PRRC2B: variants seen among roughly 807,000 people sequenced by gnomAD.
PRRC2B encodes the protein proline rich coiled-coil 2B.
In PRRC2B, 68 loss-of-function variants were observed where a neutral mutation model predicts 242.3. The ratio of observed to expected loss-of-function variants is 0.28; its 90% CI spans 0.23 to 0.34. PRRC2B has a LOEUF of 0.34. Ranked by LOEUF, PRRC2B falls within the 10% of genes least tolerant of loss-of-function variation. The pLI is 1.00. For missense variants in PRRC2B, 2,835 were observed against 2,954.8 expected (o/e 0.96, Z 0.94); for synonymous variants, 1,228 against 1,173.6 (o/e 1.05, Z -0.95).
chr9:131,375,755 G>A (rs149782724), intron 1 of PRRC2B, among the ~76,000 whole-genome samples: 411 of 152,202 alleles, frequency 2.7e-3, no homozygotes, highest in African/African-American at 8.9e-3. Flanking sequence ...TCGGCTGGGC[G>A]CGGTGGCTCA....
chr9:131,449,287 T>G (rs1221163565), intron 9 of PRRC2B, among the ~76,000 whole-genome samples: 2 of 152,190 alleles, frequency 1.3e-5, no homozygotes, highest in Non-Finnish European at 2.9e-5. Context: ...TTTCCCCTGG[T>G]GGTTGTGCCA....
At chr9:131,448,625 C>G (rs1014301240) in intron 9 of PRRC2B, among the ~76,000 whole-genome samples, 3 of 143,892 alleles carry the variant, frequency 2.1e-5, no homozygotes, top group African/African-American at 7.7e-5. Flanking sequence ...TGGCTGTTTG[C>G]AGGGTCCATC....
intron 1 of PRRC2B, among the ~76,000 whole-genome samples, chr9:131,403,037 C>T (rs1216551784): frequency 6.6e-6 from 1 of 152,212 alleles, no homozygotes; most frequent in Non-Finnish European, 1.5e-5. Context: ...AGGAGGTCAT[C>T]TCCAGGACTC....
At position 131,379,656 on chromosome 9, in the gene PRRC2B, C is replaced by T. The variant is rs146588184; in HGVS notation, c.-56+5925C>T. 2.8e-3 allele frequency among the ~76,000 whole-genome samples: 395 copies of T among 139,312 alleles called. 2 individuals are homozygous for T. The highest frequency in any genetic ancestry group is 0.01 in the African/African-American group (387 of 37,856). The allele number at this position is 139,312 out of a possible 152,430, so 91.4% of individuals were successfully genotyped here. ...TTTTTTTTTTTTGGAGATGGAGTCT[C>T]ACTCTGTCACCCAGGCTGGAGTGCA... On this transcript the variant is annotated intron_variant, in intron 1 of 1. Coordinates refer to the PRRC2B transcript ENST00000682525.
At chr9:131,379,810 GAGAC>G (rs1422426573) in intron 1 of PRRC2B, among the ~76,000 whole-genome samples, 1 of 151,194 alleles carries the variant, frequency 6.6e-6, no homozygotes, top group Admixed American at 6.6e-5. Context: ...ATTTTTAGTA[GAGAC>G]GGGGTTTCAC....
intron 1 of PRRC2B, among the ~76,000 whole-genome samples, chr9:131,429,860 G>A (rs1838076399): frequency 1.3e-5 from 2 of 151,998 alleles, no homozygotes; most frequent in South Asian, 4.2e-4. Context: ...GGGTTGGGGG[G>A]GTACTCCACA....
intron 9 of PRRC2B, among the ~76,000 whole-genome samples, chr9:131,451,888 C>T (rs1371744451): frequency 6.6e-6 from 1 of 151,900 alleles, no homozygotes; most frequent in African/African-American, 2.4e-5. Flanking sequence ...CTAAACCAAC[C>T]TTGCATTCTT....
chr9:131,459,758 T>A (rs1418756011), intron 11 of PRRC2B, among the ~76,000 whole-genome samples: 2 of 152,136 alleles, frequency 1.3e-5, no homozygotes, highest in African/African-American at 4.8e-5. Flanking sequence ...AGGCTAGTCT[T>A]GAGCTCGTGG....
intron 9 of PRRC2B, among the ~76,000 whole-genome samples, chr9:131,451,999 T>A (rs1341012451): frequency 6.6e-6 from 1 of 152,230 alleles, no homozygotes; most frequent in African/African-American, 2.4e-5. Flanking sequence ...GTTCTTTTAA[T>A]GTCTTTGTCA....
chr9:131,463,332 A>G (rs1365034100), intron 11 of PRRC2B, among the ~76,000 whole-genome samples: 1 of 152,244 alleles, frequency 6.6e-6, no homozygotes, highest in Non-Finnish European at 1.5e-5. Flanking sequence ...TTACTGAAGT[A>G]TAACTCACCT....
intron 11 of PRRC2B, among the ~76,000 whole-genome samples, chr9:131,462,720 C>T (rs954603888): frequency 2.7e-5 from 4 of 150,668 alleles, no homozygotes; most frequent in Admixed American, 1.3e-4. Context: ...CGCCGGTATT[C>T]CCAGCTACTC....
chr9:131,420,466 TTTCTTTCTTTCTTTCTTTCTTTCTTTC>T (rs1564278506), intron 1 of PRRC2B, among the ~76,000 whole-genome samples: 1 of 9,072 alleles, frequency 1.1e-4, no homozygotes, highest in African/African-American at 2.1e-4. Flanking sequence ...TCTTTCTTTC[TTTCTTTCTTTCTTTCTTTCTTTCTTTC>T]TTTTTTTTTT....
At chr9:131,455,737 A>G (rs181119521) in intron 10 of PRRC2B, among the ~76,000 whole-genome samples, 2 of 151,998 alleles carry the variant, frequency 1.3e-5, no homozygotes, top group South Asian at 2.1e-4. Flanking sequence ...TTTGGTCTCA[A>G]ACTCCTGGGC....
chr9:131,468,847 A>T (rs898386339), intron 13 of PRRC2B, among the ~76,000 whole-genome samples: 5 of 152,148 alleles, frequency 3.3e-5, no homozygotes, highest in Non-Finnish European at 7.4e-5. Context: ...GGCACCTGGG[A>T]GCCTTCCAGG....
At chr9:131,431,924 T>C (rs866494424) in intron 2 of PRRC2B, among the ~76,000 whole-genome samples, 14 of 152,056 alleles carry the variant, frequency 9.2e-5, no homozygotes, top group Middle Eastern at 6.8e-3. Flanking sequence ...TTAAAATTTA[T>C]TTATTTATTT....
intron 1 of PRRC2B, among the ~76,000 whole-genome samples, chr9:131,378,325 A>AAAC (rs1016605842): frequency 1.3e-5 from 2 of 151,784 alleles, no homozygotes; most frequent in African/African-American, 4.8e-5. Flanking sequence ...AAAAAAAAAA[A>AAAC]AAAAAGTCCT....
At position 131,475,647 on chromosome 9, in the gene PRRC2B, A is replaced by G; in HGVS notation, c.3518A>G (p.Asp1173Gly). The part of the protein sequence containing the change: ...EREESTLKKG[D>G]CRDSWRSNKG... ...GAGGAGAGCACCTTGAAGAAGGGCG[A>G]CTGCAGAGATTCTTGGCGGTCCAAC... Residue 1173 changes from aspartate (D) to glycine (G), a missense_variant, in exon 16 of 32, where the codon GAC (aspartate) becomes GGC (glycine). This residue lies in a region of PRRC2B where 1,536 missense variants were observed against 1,483.1 expected (regional missense o/e 1.04). Transcript: ENST00000683519. The G allele has an allele frequency of 6.2e-7, 1 of 1,611,052 alleles. No homozygotes were observed.
At chr9:131,423,338 G>A (rs1220182726) in intron 1 of PRRC2B, among the ~76,000 whole-genome samples, 2 of 152,188 alleles carry the variant, frequency 1.3e-5, no homozygotes, top group East Asian at 1.9e-4. Context: ...GATGCTCACC[G>A]GTGCTTTCTC....
intron 9 of PRRC2B, among the ~76,000 whole-genome samples, chr9:131,451,109 T>TA (rs1281387970): frequency 2.6e-5 from 4 of 152,042 alleles, no homozygotes; most frequent in Admixed American, 1.3e-4. Flanking sequence ...ATATAGAAAA[T>TA]ACAGCTGAGG....
Sources: allele counts gnomAD v4.1 joint callset (sites outside exome capture counted in the v4.1 genomes callset), GRCh38; gene constraint gnomAD v4.1.1; regional missense constraint gnomAD v4.1.1; transcripts MANE v1.5; gene names NCBI Gene and HGNC (gene_info 2026-07-23, HGNC 2026-07-21).